TVP23A: variants seen among roughly 807,000 people sequenced by gnomAD.
The protein encoded by TVP23A is Golgi apparatus membrane protein TVP23 homolog A.
TVP23A carries 21 observed loss-of-function variants against 31.7 expected under a neutral mutation model. That is an observed-to-expected ratio of 0.66 (90% CI 0.47 to 0.95). TVP23A has a LOEUF of 0.95. Ranked by LOEUF, TVP23A falls within the 40% of genes least tolerant of loss-of-function variation. The pLI, the probability that TVP23A is intolerant of heterozygous loss-of-function variation, is 0.00. For synonymous variants in TVP23A, 104 were observed against 96.0 expected (o/e 1.08, Z -0.49); for missense variants, 279 against 255.6 (o/e 1.09, Z -0.62).
intron 2 of TVP23A, among the ~76,000 whole-genome samples, chr16:10,789,531 T>G (rs2032971472): frequency 6.6e-6 from 1 of 151,808 alleles, no homozygotes; most frequent in Non-Finnish European, 1.5e-5. Context: ...TCAAATACAT[T>G]CAAGATATAC....
At chr16:10,776,099 G>A (rs1281682651) in intron 2 of TVP23A, among the ~76,000 whole-genome samples, 1 of 151,630 alleles carries the variant, frequency 6.6e-6, no homozygotes, top group African/African-American at 2.4e-5. Flanking sequence ...TATAGGCCAG[G>A]CACGGTGGCT....
chr16:10,783,368 A>C (rs1328426191), intron 2 of TVP23A, among the ~76,000 whole-genome samples: 1 of 152,180 alleles, frequency 6.6e-6, no homozygotes, highest in African/African-American at 2.4e-5. Flanking sequence ...GCCAAAACTC[A>C]GAAGCAACTA....
At chr16:10,815,422 A>G (rs2034394686) in intron 2 of TVP23A, among the ~76,000 whole-genome samples, 1 of 152,154 alleles carries the variant, frequency 6.6e-6, no homozygotes, top group African/African-American at 2.4e-5. Flanking sequence ...AAACAAAAAC[A>G]AAAACAAAAC....
rs139314484 is a variant in TVP23A at position 10,792,381 on chromosome 16, G to T, written c.90-17285C>A. Among the ~76,000 whole-genome samples the T allele has an allele frequency of 5.0e-3, 758 of 152,260 alleles. 3 individuals carry two copies. Among genetic ancestry groups the T allele is most frequent in the Non-Finnish European group, 7.2e-3 (493 of 68,006 alleles). ...AGGGGAGGCAGCTAAGATGATGTTT[G>T]CCCAGGAAGAAGTACATTCTCAGCC... On this transcript the variant is annotated intron_variant, in intron 2 of 7. Coordinates refer to ENST00000299866, the MANE Select transcript of TVP23A (RefSeq NM_001079512.4).
Position 10,770,298 on chromosome 16 carries a change from C to G in TVP23A, c.616G>C (p.Glu206Gln), listed in dbSNP as rs371043030. 6.4e-7 allele frequency: 1 copy of G among 1,551,032 alleles called. No homozygotes were observed. Residue 206 changes from glutamate to glutamine, a missense_variant, in exon 7 of 8, where the codon GAG becomes CAG. Transcript: ENST00000299866. ...TAATGCTGGTGAATCTCCAGCCCCT[C>G]GAGGCCAGGCTTCTGAAAGTCACCT... ...CPGDFQKPGL[E>Q]GLEIHQH is the part of the protein sequence containing the mutation.
chr16:10,761,298 C>G (rs1190430807), exon 9 of TVP23A: 3 of 1,428,652 alleles, frequency 2.1e-6, no homozygotes, highest in Non-Finnish European at 2.9e-6. Flanking sequence ...GCCATCCCCT[C>G]GGTTGCACAG....
At chr16:10,758,924 A>G (rs1900754967), downstream of TVP23A, among the ~76,000 whole-genome samples, 1 of 152,158 alleles carries the variant, frequency 6.6e-6, no homozygotes, top group African/African-American at 2.4e-5. Context: ...TCCTCTCTGT[A>G]AGTCCTGCAG....
intron 2 of TVP23A, among the ~76,000 whole-genome samples, chr16:10,796,740 TA>T (rs2033412169): frequency 6.6e-6 from 1 of 151,922 alleles, no homozygotes; most frequent in Non-Finnish European, 1.5e-5. Flanking sequence ...GCCCGGCCCA[TA>T]AAAGGGATTT....
At chr16:10,802,724 A>G (rs1003248448) in intron 2 of TVP23A, among the ~76,000 whole-genome samples, 2 of 152,202 alleles carry the variant, frequency 1.3e-5, no homozygotes, top group African/African-American at 4.8e-5. Context: ...TTCCAATTCA[A>G]CGTATCTTGC....
chr16:10,797,921 T>C (rs1429185963), intron 2 of TVP23A, among the ~76,000 whole-genome samples: 6 of 151,944 alleles, frequency 3.9e-5, no homozygotes, highest in Non-Finnish European at 5.9e-5. Flanking sequence ...TTTTGTATGT[T>C]TGGAATTCTC....
At chr16:10,783,095 G>A (rs770967057) in intron 2 of TVP23A, among the ~76,000 whole-genome samples, 7 of 152,162 alleles carry the variant, frequency 4.6e-5, no homozygotes, top group South Asian at 4.1e-4. Flanking sequence ...GTAGTGATTG[G>A]GAAGGGATAT....
Position 10,767,626 on chromosome 16 carries a change from A to T in TVP23A, c.*1476T>A, listed in dbSNP as rs74773487. 6.6e-3 allele frequency: 2,911 copies of T among 438,188 alleles called. 93 individuals are homozygous for T. The highest frequency in any genetic ancestry group is 0.052 in the African/African-American group (2,592 of 50,006). 27.1% of individuals were successfully genotyped at this position (438,188 alleles called of 1,614,324 possible). On this transcript the variant is annotated 3_prime_UTR_variant, in exon 8 of 8. Coordinates refer to ENST00000299866, the MANE Select transcript of TVP23A (RefSeq NM_001079512.4). This position sits in a 1 kb window ranked among gnomAD's most constrained non-coding sequence, Gnocchi z 4.6. ...CTTTTTTTAACCATGTGCATTCATG[A>T]TCCTTTCACTCAAAAGCTAATCTCT...
chr16:10,794,788 GT>G (rs2033296885), intron 2 of TVP23A, among the ~76,000 whole-genome samples: 2 of 152,100 alleles, frequency 1.3e-5, no homozygotes, highest in South Asian at 4.1e-4. Context: ...ACCTGTCCTA[GT>G]TTTCAGGGTA....
At chr16:10,760,564 C>T (rs911634548), downstream of TVP23A, among the ~76,000 whole-genome samples, 2 of 152,106 alleles carry the variant, frequency 1.3e-5, no homozygotes, top group Admixed American at 6.6e-5. Context: ...TGGGCAACAA[C>T]CATCTCTATA....
chr16:10,797,050 C>G (rs936368297), intron 2 of TVP23A, among the ~76,000 whole-genome samples: 4 of 129,904 alleles, frequency 3.1e-5, no homozygotes, highest in African/African-American at 1.8e-4. Context: ...ATTAGCCAGG[C>G]GTGGTGGCAT....
chr16:10,766,668 G>A (rs1163531580), downstream of TVP23A: 3 of 305,074 alleles, frequency 9.8e-6, no homozygotes, highest in East Asian at 5.3e-5. This position sits in a 1 kb window ranked among gnomAD's most constrained non-coding sequence, Gnocchi z 4.8. Context: ...TGGACAAAAC[G>A]CACAAAGAAA....
chr16:10,773,547 G>A, intron 4 of TVP23A, 106 bp from the exon 5 acceptor site: 1 of 1,366,962 alleles, frequency 7.3e-7, no homozygotes, highest in Non-Finnish European at 9.8e-7. Context: ...TGTTGCTGTG[G>A]GATTTTTTGT....
At chr16:10,807,590 C>T (rs1379904209) in intron 2 of TVP23A, among the ~76,000 whole-genome samples, 1 of 152,154 alleles carries the variant, frequency 6.6e-6, no homozygotes, top group Admixed American at 6.5e-5. Context: ...GGCTGGGGTG[C>T]TGCCCAGCAT....
At chr16:10,808,234 T>A (rs2034032650) in intron 2 of TVP23A, among the ~76,000 whole-genome samples, 1 of 152,200 alleles carries the variant, frequency 6.6e-6, no homozygotes, top group African/African-American at 2.4e-5. Context: ...TCAACATAAG[T>A]TCCCCCAAAC....
Sources: gnomAD v4.1 joint callset for allele counts (sites outside exome capture counted in the v4.1 genomes callset) on GRCh38, gnomAD v4.1.1 for gene constraint, Gnocchi (gnomAD v3.1) non-coding constraint, MANE v1.5 for transcripts, NCBI Gene and HGNC (gene_info 2026-07-23, HGNC 2026-07-21) for gene names.